The following SYT9 variants were observed in gnomAD, a reference collection of about 807,000 sequenced individuals.
The protein encoded by SYT9 is synaptotagmin-9.
In SYT9, 22 loss-of-function variants were observed where a neutral mutation model predicts 48.4. That is an observed-to-expected ratio of 0.45 (90% CI 0.32 to 0.65). SYT9 has a LOEUF of 0.65. Ranked by LOEUF, SYT9 falls within the 30% of genes least tolerant of loss-of-function variation. The probability of loss-of-function intolerance (pLI) is 0.03; values close to 1 mark genes in which losing one functional copy is unlikely to be tolerated. For missense variants in SYT9, 577 were observed against 622.0 expected (o/e 0.93, Z 0.77); for synonymous variants, 265 against 245.0 (o/e 1.08, Z -0.76).
intron 6 of SYT9, among the ~76,000 whole-genome samples, chr11:7,443,022 G>A (rs1345245827): frequency 2.6e-5 from 4 of 152,160 alleles, no homozygotes; most frequent in Admixed American, 2.6e-4. Context: ...ATGAGAATGA[G>A]AATGAAAGAA....
intron 1 of SYT9, among the ~76,000 whole-genome samples, chr11:7,280,502 C>G (rs1340076754): frequency 2.0e-5 from 3 of 152,224 alleles, no homozygotes; most frequent in Non-Finnish European, 4.4e-5. Context: ...ACAAGACACA[C>G]TTTTCATCTG....
intron 6 of SYT9, among the ~76,000 whole-genome samples, chr11:7,463,310 C>T (rs1242041376): frequency 6.6e-6 from 1 of 152,218 alleles, no homozygotes; most frequent in African/African-American, 2.4e-5. Context: ...TCAACAAAAT[C>T]CCACTGGGTC....
chr11:7,272,271 C>T (rs536162062), intron 1 of SYT9, among the ~76,000 whole-genome samples: 2 of 152,160 alleles, frequency 1.3e-5, no homozygotes, highest in South Asian at 2.1e-4. Context: ...TATTATTAAT[C>T]CCCTCAGTGG....
upstream of SYT9, among the ~76,000 whole-genome samples, chr11:7,249,528 T>A (rs572276744): frequency 2.0e-5 from 3 of 152,362 alleles, no homozygotes; most frequent in South Asian, 6.2e-4. Context: ...TGATTTTACT[T>A]TCTTTGCCTG....
At chr11:7,365,331 G>A (rs541135226) in intron 3 of SYT9, among the ~76,000 whole-genome samples, 19 of 152,278 alleles carry the variant, frequency 1.2e-4, no homozygotes, top group Admixed American at 2.0e-4. Flanking sequence ...ATAGAGGAGA[G>A]CAATTTTTTG....
At chr11:7,395,807 G>A (rs551498826) in intron 3 of SYT9, among the ~76,000 whole-genome samples, 1 of 151,980 alleles carries the variant, frequency 6.6e-6, no homozygotes, top group Admixed American at 6.5e-5. Context: ...GTCACTCTAT[G>A]TCATTTAAGT....
At chr11:7,330,566 A>G (rs1006837852) in intron 3 of SYT9, among the ~76,000 whole-genome samples, 3 of 152,222 alleles carry the variant, frequency 2.0e-5, no homozygotes, top group African/African-American at 7.2e-5. Flanking sequence ...AGATACAGGA[A>G]TATATAAAAT....
intron 3 of SYT9, among the ~76,000 whole-genome samples, chr11:7,412,706 G>A (rs1206823288): frequency 6.6e-6 from 1 of 152,188 alleles, no homozygotes; most frequent in African/African-American, 2.4e-5. Context: ...CATGTGGACT[G>A]GTTCTCTTGC....
intron 3 of SYT9, among the ~76,000 whole-genome samples, chr11:7,334,644 C>T (rs1849602643): frequency 6.6e-6 from 1 of 151,626 alleles, no homozygotes; most frequent in African/African-American, 2.4e-5. Flanking sequence ...CTCCCTGCCA[C>T]CCATCCCCCC....
chr11:7,266,792 A>T (rs1368876057), intron 1 of SYT9, among the ~76,000 whole-genome samples: 3 of 152,028 alleles, frequency 2.0e-5, no homozygotes, highest in Admixed American at 6.6e-5. Context: ...TGCTACAGAC[A>T]ATCATCAGAT....
chr11:7,386,227 A>G (rs536821805), intron 3 of SYT9, among the ~76,000 whole-genome samples: 1 of 152,174 alleles, frequency 6.6e-6, no homozygotes, highest in Non-Finnish European at 1.5e-5. Flanking sequence ...CATTCAGTAC[A>G]TAGGCATGGG....
chr11:7,294,116 C>A (rs1433163775), intron 1 of SYT9, among the ~76,000 whole-genome samples: 1 of 152,168 alleles, frequency 6.6e-6, no homozygotes, highest in African/African-American at 2.4e-5. Flanking sequence ...AGGGAACTCT[C>A]TTAAGTCTCT....
chr11:7,296,014 A>G (rs895177508), intron 1 of SYT9, among the ~76,000 whole-genome samples: 1 of 152,204 alleles, frequency 6.6e-6, no homozygotes, highest in African/African-American at 2.4e-5. Flanking sequence ...TTAAAGCTGC[A>G]GGAAGCCTCA....
At chr11:7,339,807 C>T (rs1011935997) in intron 3 of SYT9, among the ~76,000 whole-genome samples, 4 of 152,070 alleles carry the variant, frequency 2.6e-5, no homozygotes, top group African/African-American at 9.7e-5. Flanking sequence ...TCATTTCAAC[C>T]TTGGAAAATC....
intron 3 of SYT9, among the ~76,000 whole-genome samples, chr11:7,352,603 A>T (rs1849938722): frequency 6.6e-6 from 1 of 152,238 alleles, no homozygotes; most frequent in Non-Finnish European, 1.5e-5. Context: ...TACTCAGTGA[A>T]CTAACAGGTC....
intron 1 of SYT9, among the ~76,000 whole-genome samples, chr11:7,245,165 A>C (rs1847778221): frequency 6.6e-6 from 1 of 152,238 alleles, no homozygotes; most frequent in Admixed American, 6.5e-5. Flanking sequence ...GGCTGTCTCC[A>C]ATAAGCTGGA....
At chr11:7,353,296 G>A (rs1237351022) in intron 3 of SYT9, among the ~76,000 whole-genome samples, 1 of 152,088 alleles carries the variant, frequency 6.6e-6, no homozygotes, top group African/African-American at 2.4e-5. Flanking sequence ...CCAGCCCCCA[G>A]GAACCACTTT....
At chr11:7,243,046 C>CAATA (rs576180827) in intron 1 of SYT9, among the ~76,000 whole-genome samples, 62 of 117,222 alleles carry the variant, frequency 5.3e-4, no homozygotes, top group South Asian at 1.2e-3. Context: ...AATTCTGTCT[C>CAATA]AATAAATAAA....
intron 3 of SYT9, among the ~76,000 whole-genome samples, chr11:7,367,508 C>T (rs183794982): frequency 6.6e-5 from 10 of 152,172 alleles, no homozygotes; most frequent in African/African-American, 1.2e-4. Flanking sequence ...ATGTAATAGA[C>T]GAAATATGGC....
Sources: allele counts gnomAD v4.1 joint callset (sites outside exome capture counted in the v4.1 genomes callset), GRCh38; gene constraint gnomAD v4.1.1; transcripts MANE v1.5; gene names NCBI Gene and HGNC (gene_info 2026-07-23, HGNC 2026-07-21).